Variants in ADCK1 observed in about 807,000 individuals in gnomAD.
ADCK1 encodes aarF domain-containing protein kinase 1.
A neutral mutation model predicts 52.3 loss-of-function variants in ADCK1; 41 were observed. The ratio of observed to expected loss-of-function variants is 0.78; its 90% CI spans 0.61 to 1.02. The LOEUF (loss-of-function observed/expected upper bound fraction) is 1.02, where lower values mean the gene tolerates loss of function less well. Among genes scored for constraint, ADCK1 ranks in the 50% least tolerant of loss-of-function variants. ADCK1 has a pLI of 0.00. For synonymous variants in ADCK1, 250 were observed against 274.6 expected (o/e 0.91, Z 0.89); for missense variants, 658 against 679.5 (o/e 0.97, Z 0.35).
In ADCK1 at chr14:77,933,392, G is replaced by A; in HGVS notation, c.*1G>A. 6.2e-7 allele frequency: 1 copy of A among 1,613,790 alleles called. No individual in the cohort carries two copies. Among genetic ancestry groups the A allele is most frequent in the Non-Finnish European group, 8.5e-7 (1 of 1,179,884 alleles). On this transcript the variant is annotated 3_prime_UTR_variant, in exon 11 of 11. Transcript: ENST00000238561. ...CTGGCTGTTCCCTGCTCCACTCTGA[G>A]TGGAATTGCTCTCCCTGCCCCATTC...
intron 3 of ADCK1, among the ~76,000 whole-genome samples, chr14:77,834,547 G>C (rs1326277057): frequency 1.3e-5 from 2 of 152,226 alleles, no homozygotes; most frequent in East Asian, 1.9e-4. Flanking sequence ...GATGGTGTTT[G>C]CTGCTGTGGT....
At chr14:77,908,039 C>T in intron 7 of ADCK1, 120 bp downstream of exon 7, 1 of 749,440 alleles carries the variant, frequency 1.3e-6, no homozygotes, top group East Asian at 2.6e-5. Context: ...TTTAATAGGG[C>T]CCATTGTCTG....
intron 1 of ADCK1, among the ~76,000 whole-genome samples, chr14:77,805,252 CTTTTTTTTTTTTTTTTTTT>C: frequency 1.6e-5 from 1 of 62,310 alleles, no homozygotes; most frequent in South Asian, 6.9e-4. Flanking sequence ...GCTTTGCATT[CTTTTTTTTTTTTTTTTTTT>C]TTTTTTTTGA....
At chr14:77,891,041 A>G (rs568729225) in intron 5 of ADCK1, among the ~76,000 whole-genome samples, 3 of 152,260 alleles carry the variant, frequency 2.0e-5, no homozygotes, top group East Asian at 1.9e-4. Context: ...AAGGCTGGGT[A>G]CAGATGAGTG....
intron 4 of ADCK1, among the ~76,000 whole-genome samples, chr14:77,865,243 C>A (rs948524304): frequency 2.6e-5 from 4 of 152,164 alleles, no homozygotes; most frequent in African/African-American, 9.7e-5. Flanking sequence ...CTTTGGGAGG[C>A]TGAGGCAGGC....
Position 77,907,110 on chromosome 14 carries a change from C to T in ADCK1, c.742-693C>T, listed in dbSNP as rs549716028. Among the ~76,000 whole-genome samples the T allele has an allele frequency of 2.2e-4, 33 of 152,112 alleles. 1 individual carries two copies. In the East Asian group the frequency reaches 6.0e-3, roughly 28 times the overall value. ...TGTATTTACTGTAGAGACAGGGTTT[C>T]GCCACGTTGCCCAGGCTGGTCTTGA... On this transcript the variant is annotated intron_variant, in intron 6 of 10. Coordinates refer to ENST00000238561, the MANE Select transcript of ADCK1 (RefSeq NM_020421.4).
intron 2 of ADCK1, among the ~76,000 whole-genome samples, chr14:77,821,783 A>C: frequency 6.7e-6 from 1 of 150,342 alleles, no homozygotes; most frequent in South Asian, 2.2e-4. Context: ...TGGGAGGCTG[A>C]GGCAGGAGAA....
At chr14:77,852,656 A>ATAT (rs1566666909) in intron 3 of ADCK1, among the ~76,000 whole-genome samples, 141 of 26,076 alleles carry the variant, frequency 5.4e-3, no homozygotes, top group Non-Finnish European at 0.011. Flanking sequence ...TCTTTAAATA[A>ATAT]ATAAATATAT....
intron 5 of ADCK1, among the ~76,000 whole-genome samples, chr14:77,894,725 T>TTTCTTTTC (rs1443107616): frequency 6.8e-6 from 1 of 146,348 alleles, no homozygotes; most frequent in African/African-American, 2.5e-5. Context: ...TTCTTTTTCT[T>TTTCTTTTC]TTCTTTTCTT....
intron 6 of ADCK1, among the ~76,000 whole-genome samples, chr14:77,905,304 G>GTTTTTTTTTTTTTTTTTTTTGTT (rs2083638592): frequency 1.0e-5 from 1 of 96,278 alleles, no homozygotes; most frequent in Non-Finnish European, 2.0e-5. Context: ...TTCCTAGCTG[G>GTTTTTTTTTTTTTTTTTTTTGTT]TTTTTTTTTT....
chr14:77,830,667 G>A (rs1341831874), intron 3 of ADCK1, among the ~76,000 whole-genome samples: 1 of 141,798 alleles, frequency 7.1e-6, no homozygotes, highest in African/African-American at 2.5e-5. Context: ...TTGGACAGTG[G>A]GTAGAAGTGT....
At chr14:77,890,601 C>G (rs2083263188) in intron 5 of ADCK1, among the ~76,000 whole-genome samples, 1 of 152,144 alleles carries the variant, frequency 6.6e-6, no homozygotes, top group African/African-American at 2.4e-5. Flanking sequence ...ACTGTTGCAG[C>G]CGTTTTGGAA....
chr14:77,804,211 G>A (rs969618667), intron 1 of ADCK1, among the ~76,000 whole-genome samples: 2 of 152,178 alleles, frequency 1.3e-5, no homozygotes, highest in Non-Finnish European at 2.9e-5. Flanking sequence ...CTAGTAAGCA[G>A]AACAGGGCAG....
intron 6 of ADCK1, among the ~76,000 whole-genome samples, chr14:77,902,053 A>T (rs2083559978): frequency 6.6e-6 from 1 of 151,984 alleles, no homozygotes; most frequent in African/African-American, 2.4e-5. Flanking sequence ...GGGAAAAGGG[A>T]CTCTCTCATT....
At chr14:77,822,406 A>G in intron 2 of ADCK1, 29 bp from the exon 3 acceptor site, 1 of 1,582,424 alleles carries the variant, frequency 6.3e-7, no homozygotes, top group Non-Finnish European at 8.7e-7. Context: ...TCCAGGTGCT[A>G]AGCTTTTCTC....
At chr14:77,832,408 T>C (rs1430168186) in intron 3 of ADCK1, among the ~76,000 whole-genome samples, 1 of 152,212 alleles carries the variant, frequency 6.6e-6, no homozygotes, top group Non-Finnish European at 1.5e-5. Context: ...GTATATCTGC[T>C]TCCAGTCTGG....
Position 77,800,656 on chromosome 14 carries a change from C to G in ADCK1, c.-12+486C>G, listed in dbSNP as rs28604528. ...GGTCTTGCGAACGTGCCCCAGACCG[C>G]TGCTTATCTCCAGCATCTTGCAGGG... On this transcript the variant is annotated intron_variant, in intron 1 of 10. Transcript: ENST00000238561. 8.3e-3 allele frequency among the ~76,000 whole-genome samples: 1,264 copies of G among 152,354 alleles called. 16 individuals carry two copies. Among genetic ancestry groups the G allele is most frequent in the African/African-American group, 0.029 (1,201 of 41,582 alleles).
intron 3 of ADCK1, among the ~76,000 whole-genome samples, chr14:77,826,113 C>T (rs1357881942): frequency 6.6e-6 from 1 of 152,204 alleles, no homozygotes; most frequent in East Asian, 1.9e-4. Context: ...TGCAGCCTGG[C>T]ATTTGACAAG....
rs72688838 is a variant in ADCK1, at chr14:77,816,402, G to C, written c.-11-2566G>C. On this transcript the variant is annotated intron_variant, in intron 1 of 10. Coordinates refer to ENST00000238561, the MANE Select transcript of ADCK1 (RefSeq NM_020421.4). ...CTCTCACCTGCCCCAAGGCAGGATC[G>C]TGGTCTTTCCCCACCTTTCTGATTG... Among the ~76,000 whole-genome samples, 4 of 145,834 alleles carry C rather than the reference G, an allele frequency of 2.7e-5. No individual in the cohort carries two copies. In the East Asian group the frequency reaches 6.2e-4, roughly 23 times the overall value.
Sources: gnomAD v4.1 joint callset for allele counts (sites outside exome capture counted in the v4.1 genomes callset) on GRCh38, gnomAD v4.1.1 for gene constraint, MANE v1.5 for transcripts, NCBI Gene and HGNC (gene_info 2026-07-23, HGNC 2026-07-21) for gene names.